RAPGEF6: variants seen among roughly 807,000 people sequenced by gnomAD.
The protein encoded by RAPGEF6 is PDZ domain containing guanine nucleotide exchange factor (GEF) 2.
RAPGEF6 carries 56 observed loss-of-function variants against 171.4 expected under a neutral mutation model. The observed-to-expected ratio is 0.33, with a 90% CI of 0.26 to 0.41. RAPGEF6 has a LOEUF of 0.41. Ranked by LOEUF, RAPGEF6 falls within the 10% of genes least tolerant of loss-of-function variation. The pLI is 1.00. For synonymous variants in RAPGEF6, 692 were observed against 650.1 expected (o/e 1.06, Z -0.98); for missense variants, 1,674 against 1,921.4 (o/e 0.87, Z 2.41).
At position 131,440,737 on chromosome 5, in the gene RAPGEF6, CAAAAAAAAAAAAA is replaced by C. The variant is rs1168441695; in HGVS notation, c.3611-1035_3611-1023del. ...TGGGCGACAGAGGGAGACTCTGTCT[CAAAAAAAAAAAAA>C]AAAAAAAAAAAGAAAGAAAGGAAGC... is the stretch of plus-strand genomic sequence containing the variant. On this transcript the variant is annotated intron_variant, in intron 23 of 27. Coordinates refer to ENST00000509018, the MANE Select transcript of RAPGEF6 (RefSeq NM_016340.6). Among the ~76,000 whole-genome samples, 5 of 66,848 alleles carry C rather than the reference CAAAAAAAAAAAAA, an allele frequency of 7.5e-5. No homozygotes were observed. In the East Asian group the frequency reaches 1.6e-3, roughly 21 times the overall value. The allele number at this position is 66,848 out of a possible 152,430, so 43.9% of individuals were successfully genotyped here.
chr5:131,548,253 G>C, intron 5 of RAPGEF6, 63 bp from the exon 6 acceptor site: 1 of 1,554,126 alleles, frequency 6.4e-7, no homozygotes, highest in Non-Finnish European at 8.8e-7. Context: ...GACAATCTAT[G>C]GAGTCTTAAC....
intron 5 of RAPGEF6, among the ~76,000 whole-genome samples, chr5:131,555,275 T>C (rs996207696): frequency 7.9e-5 from 12 of 152,196 alleles, no homozygotes; most frequent in Admixed American, 2.0e-4. Flanking sequence ...TACCTACTCA[T>C]TATCATCAAA....
chr5:131,580,242 G>A (rs1468681022), intron 4 of RAPGEF6, among the ~76,000 whole-genome samples: 2 of 152,200 alleles, frequency 1.3e-5, no homozygotes, highest in African/African-American at 4.8e-5. Context: ...CAGTGCTGGG[G>A]GAACCAGCGC....
At chr5:131,502,934 G>C (rs920307769) in intron 11 of RAPGEF6, among the ~76,000 whole-genome samples, 21 of 152,110 alleles carry the variant, frequency 1.4e-4, no homozygotes, top group African/African-American at 5.1e-4. Flanking sequence ...GAGTAGCTGG[G>C]ATTGATTACA....
At chr5:131,577,123 C>G (rs958032372) in intron 4 of RAPGEF6, among the ~76,000 whole-genome samples, 4 of 152,190 alleles carry the variant, frequency 2.6e-5, no homozygotes, top group African/African-American at 9.7e-5. Flanking sequence ...AAGGCCACCG[C>G]AGTCATTTCT....
intron 16 of RAPGEF6, 22 bp downstream of exon 16, chr5:131,479,491 A>G (rs978682851): frequency 6.2e-7 from 1 of 1,610,002 alleles, no homozygotes; most frequent in African/African-American, 1.3e-5. Context: ...ATTCCTGCAT[A>G]GCTAAGATCG....
intron 4 of RAPGEF6, among the ~76,000 whole-genome samples, chr5:131,590,068 T>C (rs1763499883): frequency 6.6e-6 from 1 of 152,220 alleles, no homozygotes; most frequent in Non-Finnish European, 1.5e-5. Flanking sequence ...TCCTTCTTAG[T>C]AGCTAATCCC....
intron 21 of RAPGEF6, among the ~76,000 whole-genome samples, chr5:131,448,025 C>G (rs1752832568): frequency 1.3e-5 from 2 of 152,178 alleles, no homozygotes; most frequent in South Asian, 4.1e-4. Flanking sequence ...CTGACAAGTT[C>G]AAGAACATTC....
chr5:131,536,783 A>G (rs1385305031), intron 6 of RAPGEF6, among the ~76,000 whole-genome samples: 2 of 152,236 alleles, frequency 1.3e-5, no homozygotes, highest in Non-Finnish European at 1.5e-5. Flanking sequence ...TACATTTTGT[A>G]TATAGTTACT....
At chr5:131,546,941 CAT>C (rs1488175199) in intron 6 of RAPGEF6, among the ~76,000 whole-genome samples, 1 of 152,122 alleles carries the variant, frequency 6.6e-6, no homozygotes, top group Non-Finnish European at 1.5e-5. Context: ...AAAAAAGACA[CAT>C]ATTACTTACA....
chr5:131,540,291 G>C (rs916130923), intron 6 of RAPGEF6, among the ~76,000 whole-genome samples: 2 of 152,200 alleles, frequency 1.3e-5, no homozygotes, highest in African/African-American at 4.8e-5. Flanking sequence ...CAGCTTGCTG[G>C]GTGCAGAAGC....
intron 15 of RAPGEF6, among the ~76,000 whole-genome samples, chr5:131,484,590 T>C (rs1755746395): frequency 6.6e-6 from 1 of 152,140 alleles, no homozygotes; most frequent in Non-Finnish European, 1.5e-5. Context: ...GCAGTGTCTG[T>C]CAAAAGTAAT....
chr5:131,570,507 T>C (rs1762214096), intron 4 of RAPGEF6, among the ~76,000 whole-genome samples: 1 of 152,194 alleles, frequency 6.6e-6, no homozygotes, highest in South Asian at 2.1e-4. Flanking sequence ...TATGTAAATT[T>C]TGATAGAAGC....
rs887337975 is a variant in RAPGEF6 at position 131,574,451 on chromosome 5, C to CA, written c.282-12405dup. 5.3e-5 allele frequency among the ~76,000 whole-genome samples: 8 copies of CA among 152,218 alleles called. No homozygotes were observed. The East Asian group carries it at 1.5e-3, about 29-fold the overall frequency. ...CTGTTTAATCAATACGGGGGCTACC[C>CA]ACTCCACATTACCTTCTTTTCAAGG... On this transcript the variant is annotated intron_variant, in intron 4 of 27. Coordinates refer to ENST00000509018, the MANE Select transcript of RAPGEF6 (RefSeq NM_016340.6).
chr5:131,442,021 A>T (rs2149813689), intron 23 of RAPGEF6, among the ~76,000 whole-genome samples: 1 of 152,306 alleles, frequency 6.6e-6, no homozygotes, highest in South Asian at 2.1e-4. Context: ...TCATTTCCAC[A>T]GTTTTTGTAG....
rs372597209 is a variant in RAPGEF6 at position 131,452,185 on chromosome 5, A to G, written c.3200+869T>C. Among the ~76,000 whole-genome samples, 132 of 150,174 alleles carry G rather than the reference A, an allele frequency of 8.8e-4. No homozygotes were observed. In the Middle Eastern group the frequency reaches 0.028, roughly 32 times the overall value. The stretch of plus-strand genomic sequence containing the variant: ...CAGTGAGCCGAGATTGCGCCTCTGC[A>G]CTCCAGCCTGGGCGACAGAGCGAGA... On this transcript the variant is annotated intron_variant, in intron 21 of 27. Transcript: ENST00000509018.
chr5:131,581,629 C>T (rs533581623), intron 4 of RAPGEF6, among the ~76,000 whole-genome samples: 12 of 152,146 alleles, frequency 7.9e-5, no homozygotes, highest in East Asian at 3.9e-4. Flanking sequence ...CCCTCCATAC[C>T]GCCCCCAAAA....
chr5:131,617,027 C>T (rs1765305534), intron 1 of RAPGEF6, among the ~76,000 whole-genome samples: 1 of 152,126 alleles, frequency 6.6e-6, no homozygotes, highest in African/African-American at 2.4e-5. Flanking sequence ...GAAAAATGTC[C>T]CAGGATAGAT....
chr5:131,599,401 C>T (rs1169456363), intron 3 of RAPGEF6, among the ~76,000 whole-genome samples: 1 of 152,086 alleles, frequency 6.6e-6, no homozygotes, highest in Non-Finnish European at 1.5e-5. Flanking sequence ...CAGTGCAGTA[C>T]TTGCATGAAC....
Sources: allele counts gnomAD v4.1 joint callset (sites outside exome capture counted in the v4.1 genomes callset), GRCh38; gene constraint gnomAD v4.1.1; transcripts MANE v1.5; gene names NCBI Gene and HGNC (gene_info 2026-07-23, HGNC 2026-07-21).